The following FGF14 variants were observed in gnomAD, a reference collection of about 807,000 sequenced individuals.
FGF14 encodes the protein fibroblast growth factor homologous factor 4.
Under a neutral mutation model 25.5 loss-of-function variants are expected in FGF14, and 5 were observed. The ratio of observed to expected loss-of-function variants is 0.20; its 90% CI spans 0.10 to 0.41. The LOEUF (loss-of-function observed/expected upper bound fraction) is 0.41, where lower values mean the gene tolerates loss of function less well. FGF14 is among the 10% of genes least tolerant of loss of function. FGF14 has a pLI of 1.00. For synonymous variants in FGF14, 138 were observed against 118.3 expected, an observed-to-expected ratio of 1.17 and a Z score of -1.08; for missense variants, 222 against 320.1, an observed-to-expected ratio of 0.69 and a Z score of 2.34.
intron 1 of FGF14, among the ~76,000 whole-genome samples, chr13:102,378,664 A>T (rs2058103884): frequency 6.6e-6 from 1 of 150,982 alleles, no homozygotes. Context: ...TTTAATCACT[A>T]CATATTTAAA....
intron 1 of FGF14, among the ~76,000 whole-genome samples, chr13:101,912,163 G>A (rs2033010685): frequency 1.3e-5 from 2 of 151,988 alleles, no homozygotes; most frequent in African/African-American, 2.4e-5. Context: ...ATTTCTATAG[G>A]TGTACATGCA....
chr13:101,742,532 T>A (rs558488740), intron 3 of FGF14, among the ~76,000 whole-genome samples: 5 of 152,312 alleles, frequency 3.3e-5, no homozygotes, highest in African/African-American at 1.2e-4. Flanking sequence ...TACTAACAAC[T>A]GTCTTGGAAA....
Position 102,396,675 on chromosome 13 carries a change from A to G in FGF14, c.208+4796T>C, listed in dbSNP as rs528809628. 3.3e-5 allele frequency among the ~76,000 whole-genome samples: 5 copies of G among 152,376 alleles called. No homozygotes were observed. The East Asian group carries it at 9.6e-4, about 29-fold the overall frequency. On this transcript the variant is annotated intron_variant, in intron 1 of 4. Coordinates refer to the FGF14 transcript ENST00000376131. Reference sequence around the variant, plus strand: ...ATCATTTGAACAAATTTTCTCAGTTATGGATGCTGTCTAAGATGAGAACAA... The same window carrying G: ...ATCATTTGAACAAATTTTCTCAGTTGTGGATGCTGTCTAAGATGAGAACAA...
chr13:101,765,944 G>A (rs2038362047), intron 3 of FGF14, among the ~76,000 whole-genome samples: 1 of 151,976 alleles, frequency 6.6e-6, no homozygotes, highest in African/African-American at 2.4e-5. Flanking sequence ...GGCCAGGCTG[G>A]TCTCAAACTC....
At chr13:102,352,700 T>C (rs1387215351) in intron 1 of FGF14, among the ~76,000 whole-genome samples, 2 of 150,996 alleles carry the variant, frequency 1.3e-5, no homozygotes. Context: ...TAGTCCCAGC[T>C]ACTCGGGAGG....
intron 1 of FGF14, among the ~76,000 whole-genome samples, chr13:102,105,036 A>G (rs1566690296): frequency 6.6e-6 from 1 of 152,240 alleles, no homozygotes; most frequent in Non-Finnish European, 1.5e-5. Flanking sequence ...GACTTATGCA[A>G]AGGAAAATAT....
Position 101,712,302 on chromosome 13 carries a change from T to TAA in FGF14, c.*10527_*10528dup, listed in dbSNP as rs1230614341. On this transcript the variant is annotated 3_prime_UTR_variant, in exon 5 of 5. Coordinates refer to ENST00000376143, the MANE Select transcript of FGF14 (RefSeq NM_004115.4). The stretch of plus-strand genomic sequence containing the variant: ...CAAAATCAATCCTCATTTTTTATTC[T>TAA]AAGTATTTCAGCGACTAGTAGACTT... 3.9e-5 allele frequency: 6 copies of TAA among 152,198 alleles called. No homozygotes were observed. Among genetic ancestry groups the TAA allele is most frequent in the Admixed American group, 1.3e-4 (2 of 15,284 alleles). 9.4% of individuals were successfully genotyped at this position (152,198 alleles called of 1,614,324 possible). A position where few individuals can be genotyped will look rare whatever the true frequency, so the allele number is the denominator to read the frequency against.
chr13:102,187,423 T>C (rs757558469), intron 1 of FGF14, among the ~76,000 whole-genome samples: 3 of 152,190 alleles, frequency 2.0e-5, no homozygotes, highest in Non-Finnish European at 4.4e-5. Flanking sequence ...AATCCTAGAA[T>C]TCCTGATTTG....
intron 1 of FGF14, among the ~76,000 whole-genome samples, chr13:101,966,703 G>A (rs1033754003): frequency 1.3e-5 from 2 of 151,954 alleles, no homozygotes; most frequent in Non-Finnish European, 2.9e-5. Context: ...GGCTGGTCTC[G>A]AACCCCTGAC....
chr13:102,163,229 G>A (rs1039715095), intron 1 of FGF14, among the ~76,000 whole-genome samples: 1 of 152,124 alleles, frequency 6.6e-6, no homozygotes, highest in African/African-American at 2.4e-5. Context: ...AATGCTTACT[G>A]TATAGTTTAG....
chr13:102,107,295 C>T (rs2044972266), intron 1 of FGF14, among the ~76,000 whole-genome samples: 1 of 152,170 alleles, frequency 6.6e-6, no homozygotes, highest in South Asian at 2.1e-4. Context: ...TAAATGAGTG[C>T]CACAGTATTT....
intron 1 of FGF14, among the ~76,000 whole-genome samples, chr13:102,187,629 T>A (rs2048929107): frequency 6.6e-6 from 1 of 152,166 alleles, no homozygotes; most frequent in Admixed American, 6.5e-5. Context: ...TCGTGCCCTG[T>A]CCTTGCTGTT....
At chr13:102,213,271 T>C (rs2050233832) in intron 1 of FGF14, among the ~76,000 whole-genome samples, 2 of 152,338 alleles carry the variant, frequency 1.3e-5, no homozygotes, top group African/African-American at 4.8e-5. Flanking sequence ...GAGGACTATA[T>C]GTTAATACAG....
intron 3 of FGF14, among the ~76,000 whole-genome samples, chr13:101,809,552 C>T (rs1325453683): frequency 4.6e-5 from 7 of 152,122 alleles, no homozygotes; most frequent in Non-Finnish European, 1.0e-4. Flanking sequence ...TGAGAGGACA[C>T]AAGCTGGCAG....
At chr13:102,028,591 TA>T (rs2041052588) in intron 1 of FGF14, among the ~76,000 whole-genome samples, 2 of 152,098 alleles carry the variant, frequency 1.3e-5, no homozygotes, top group African/African-American at 4.8e-5. Flanking sequence ...CTTACACTTC[TA>T]TAGACATTTA....
chr13:101,815,042 C>T (rs566169422), intron 3 of FGF14, among the ~76,000 whole-genome samples: 4 of 152,272 alleles, frequency 2.6e-5, no homozygotes, highest in South Asian at 2.1e-4. Context: ...TCTATGCATG[C>T]GCAGAGGGAG....
Position 102,381,432 on chromosome 13 carries a change from G to C in FGF14, c.208+20039C>G, listed in dbSNP as rs540285961. Reference sequence around the variant, plus strand: ...GCCTTTGTAAGAGAGGCTCACGGAAGATTGTTCTTCCCTTCTGCCATGTGA... The same window carrying C: ...GCCTTTGTAAGAGAGGCTCACGGAACATTGTTCTTCCCTTCTGCCATGTGA... On this transcript the variant is annotated intron_variant, in intron 1 of 4. Transcript: ENST00000376131. 1.8e-4 allele frequency among the ~76,000 whole-genome samples: 28 copies of C among 152,288 alleles called. No homozygotes were observed. The South Asian group carries it at 5.8e-3, about 32-fold the overall frequency.
At chr13:102,305,125 T>C (rs887860395) in intron 1 of FGF14, among the ~76,000 whole-genome samples, 3 of 152,174 alleles carry the variant, frequency 2.0e-5, no homozygotes, top group Non-Finnish European at 4.4e-5. Flanking sequence ...TGAAAATGTA[T>C]TGGATATATA....
intron 1 of FGF14, among the ~76,000 whole-genome samples, chr13:102,016,155 T>G (rs2040332131): frequency 6.6e-6 from 1 of 152,110 alleles, no homozygotes; most frequent in Non-Finnish European, 1.5e-5. Context: ...GTCATCAAAA[T>G]GACCTTAGGA....
Sources: allele counts gnomAD v4.1 joint callset (sites outside exome capture counted in the v4.1 genomes callset), GRCh38; gene constraint gnomAD v4.1.1; transcripts MANE v1.5; gene names NCBI Gene and HGNC (gene_info 2026-07-23, HGNC 2026-07-21).